The following DOC2B variants were observed in gnomAD, a reference collection of about 807,000 sequenced individuals.
DOC2B encodes the protein double C2 domain beta, also known as double C2-like domain-containing protein beta.
Under a neutral mutation model 28.9 loss-of-function variants are expected in DOC2B, and 21 were observed. The ratio of observed to expected loss-of-function variants is 0.73; its 90% CI spans 0.52 to 1.05. The LOEUF (loss-of-function observed/expected upper bound fraction) is 1.05. DOC2B is among the 50% of genes least tolerant of loss of function. The pLI is 0.00. For synonymous variants in DOC2B, 194 were observed against 178.1 expected (o/e 1.09, Z -0.71); for missense variants, 384 against 421.1 (o/e 0.91, Z 0.77).
intron 3 of DOC2B, among the ~76,000 whole-genome samples, 200 bp downstream of exon 3, chr17:163,930 G>A (rs746270808): frequency 1.3e-5 from 2 of 152,244 alleles, no homozygotes; most frequent in African/African-American, 4.8e-5. Context: ...GCAACAGGGT[G>A]TGGGGCAGAC....
rs1429360455 is a variant in DOC2B, at chr17:145,819, A to G, written c.*1622T>C. 2.0e-5 allele frequency: 3 copies of G among 152,344 alleles called. No homozygotes were observed. Among genetic ancestry groups the G allele is most frequent in the African/African-American group, 4.8e-5 (2 of 41,364 alleles). 9.4% of individuals were successfully genotyped at this position (152,344 alleles called of 1,614,324 possible). The stretch of plus-strand genomic sequence containing the variant: ...ATTCCCCTGAAGCGTGGTGTCCAGC[A>G]CTCTGGGCTGGGGGCTGTGGATCCT... On this transcript the variant is annotated 3_prime_UTR_variant, in exon 9 of 9. Transcript: ENST00000613549.
At chr17:173,079 C>T (rs1212263080) in intron 1 of DOC2B, among the ~76,000 whole-genome samples, 1 of 152,214 alleles carries the variant, frequency 6.6e-6, no homozygotes, top group African/African-American at 2.4e-5. Flanking sequence ...AACAGTCCCC[C>T]AGCCAACACA....
Position 161,493 on chromosome 17 carries a change from C to T in DOC2B, c.687G>A (p.Gly229=). ...EDKFRHNEFI[G]ETRVPLKKLK... Reference sequence around the variant, plus strand: ...GCTTCTTCAGGGGCACACGTGTCTCCCCGATGAACTCATTGTGCCGGAATT... The same window carrying T: ...GCTTCTTCAGGGGCACACGTGTCTCTCCGATGAACTCATTGTGCCGGAATT... Residue 229 remains glycine, a synonymous_variant, in exon 5 of 9, where the codon GGG becomes GGA. Transcript: ENST00000613549. The T allele has an allele frequency of 1.3e-6, 2 of 1,551,726 alleles. No individual in the cohort carries two copies. The highest frequency in any genetic ancestry group is 8.7e-7 in the Non-Finnish European group (1 of 1,146,998).
At chr17:159,576 A>AT (rs1555522976) in intron 5 of DOC2B, among the ~76,000 whole-genome samples, 1 of 152,178 alleles carries the variant, frequency 6.6e-6, no homozygotes. Flanking sequence ...GTGAACAGAG[A>AT]TTTTGCCACT....
intron 1 of DOC2B, among the ~76,000 whole-genome samples, chr17:174,684 C>T (rs1002492209): frequency 6.6e-6 from 1 of 152,204 alleles, no homozygotes; most frequent in African/African-American, 2.4e-5. Flanking sequence ...CATTTTTCTG[C>T]CTCTTCCTTT....
At chr17:160,490 C>T (rs866395889) in intron 5 of DOC2B, among the ~76,000 whole-genome samples, 5 of 152,348 alleles carry the variant, frequency 3.3e-5, no homozygotes, top group Middle Eastern at 3.4e-3. Flanking sequence ...TCCACGTCCC[C>T]GGGCCCCACT....
intron 6 of DOC2B, among the ~76,000 whole-genome samples, chr17:154,734 T>C (rs1555522218): frequency 6.6e-6 from 1 of 152,134 alleles, no homozygotes; most frequent in Non-Finnish European, 1.5e-5. Flanking sequence ...TTATTTTTAT[T>C]TGTTTATTAT....
chr17:163,027 G>A (rs1456152195), intron 3 of DOC2B, among the ~76,000 whole-genome samples: 1 of 152,198 alleles, frequency 6.6e-6, no homozygotes, highest in Non-Finnish European at 1.5e-5. Context: ...TTCCAGCTCT[G>A]TGGCAGCATC....
chr17:161,536 G>A lies in DOC2B; in HGVS notation c.644C>T (p.Ser215Phe). Residue 215 changes from serine to phenylalanine, a missense_variant, in exon 5 of 9, where the codon TCT becomes TTT. Transcript: ENST00000613549. The part of the protein sequence containing the change: ...EDMIRKTLRI[S>F]VCDEDKFRHN... Reference sequence around the variant, plus strand: ...CCGGAATTTGTCCTCGTCACACACAGAGATCCTAGAGGGGGCGGTGGTGAG... The same window carrying A: ...CCGGAATTTGTCCTCGTCACACACAAAGATCCTAGAGGGGGCGGTGGTGAG... The A allele has an allele frequency of 1.9e-6, 3 of 1,551,682 alleles. No homozygotes were observed. In the East Asian group the frequency reaches 7.3e-5, roughly 38 times the overall value.
intron 5 of DOC2B, among the ~76,000 whole-genome samples, chr17:157,235 C>T (rs915865929): frequency 5.3e-5 from 8 of 152,228 alleles, no homozygotes; most frequent in Non-Finnish European, 1.0e-4. Flanking sequence ...CACACCTTTG[C>T]GCACCCTTAA....
intron 2 of DOC2B, among the ~76,000 whole-genome samples, chr17:170,088 C>A (rs2040294586): frequency 6.6e-6 from 1 of 152,146 alleles, no homozygotes; most frequent in African/African-American, 2.4e-5. Flanking sequence ...GGCCTGGCAG[C>A]CGGCACCTCT....
intron 5 of DOC2B, among the ~76,000 whole-genome samples, chr17:158,371 C>T (rs539402664): frequency 6.6e-6 from 1 of 152,230 alleles, no homozygotes; most frequent in South Asian, 2.1e-4. Flanking sequence ...CCAAGCAGCC[C>T]CAGCCACCTC....
intron 5 of DOC2B, among the ~76,000 whole-genome samples, chr17:158,520 C>T (rs546631718): frequency 3.8e-4 from 58 of 152,338 alleles, no homozygotes; most frequent in Non-Finnish European, 7.3e-4. Flanking sequence ...CAGCCACCTT[C>T]GCCACCTCCC....
At chr17:158,042 GT>G (rs2151463608) in intron 5 of DOC2B, among the ~76,000 whole-genome samples, 1 of 152,310 alleles carries the variant, frequency 6.6e-6, no homozygotes, top group Non-Finnish European at 1.5e-5. Context: ...CAGAGTTCTG[GT>G]ACATTCCTCA....
At chr17:177,579 G>A (rs541842065) in intron 1 of DOC2B, among the ~76,000 whole-genome samples, 1 of 152,364 alleles carries the variant, frequency 6.6e-6, no homozygotes, top group South Asian at 2.1e-4. Flanking sequence ...GCCTGCCAGA[G>A]CTTTCCATCT....
At chr17:176,533 C>G (rs1305475580) in intron 1 of DOC2B, among the ~76,000 whole-genome samples, 1 of 151,784 alleles carries the variant, frequency 6.6e-6, no homozygotes, top group East Asian at 1.9e-4. Flanking sequence ...GTCCAAAAAG[C>G]TTTTTTTTGG....
chr17:177,076 T>TAA (rs1372961766), intron 1 of DOC2B, among the ~76,000 whole-genome samples: 3 of 48,388 alleles, frequency 6.2e-5, no homozygotes, highest in Non-Finnish European at 9.8e-5. Flanking sequence ...CTCAAATACT[T>TAA]TAAAAAAAAC....
intron 5 of DOC2B, among the ~76,000 whole-genome samples, chr17:158,365 G>A (rs566369554): frequency 1.3e-5 from 2 of 152,052 alleles, no homozygotes; most frequent in African/African-American, 4.8e-5. Context: ...CCTCTCCCAA[G>A]CAGCCCCAGC....
chr17:164,372 A>G (rs930728809), intron 2 of DOC2B, among the ~76,000 whole-genome samples, 168 bp from the exon 3 acceptor site: 3 of 152,110 alleles, frequency 2.0e-5, no homozygotes, highest in Non-Finnish European at 2.9e-5. Flanking sequence ...GGATGGCTCA[A>G]CGCTGATGCA....
Sources: gnomAD v4.1 joint callset for allele counts (sites outside exome capture counted in the v4.1 genomes callset) on GRCh38, gnomAD v4.1.1 for gene constraint, MANE v1.5 for transcripts, NCBI Gene and HGNC (gene_info 2026-07-23, HGNC 2026-07-21) for gene names.